Variants in TMEM61 observed in about 807,000 individuals in gnomAD.
TMEM61 encodes the protein transmembrane protein 61.
A neutral mutation model predicts 12.0 loss-of-function variants in TMEM61; 13 were observed. The observed-to-expected ratio is 1.08, with a 90% CI of 0.70 to 1.72. The LOEUF (loss-of-function observed/expected upper bound fraction) is 1.72. Among genes scored for constraint, TMEM61 ranks in the 40% most tolerant of loss-of-function variants. The probability of loss-of-function intolerance (pLI) is 0.00; values close to 1 mark genes in which losing one functional copy is unlikely to be tolerated. For synonymous variants in TMEM61, 109 were observed against 121.4 expected, an observed-to-expected ratio of 0.90 and a Z score of 0.67; for missense variants, 249 against 276.9, an observed-to-expected ratio of 0.90 and a Z score of 0.71.
chr1:54,986,646 G>A (rs1169375573), intron 2 of TMEM61, among the ~76,000 whole-genome samples, 200 bp downstream of exon 2: 6 of 151,866 alleles, frequency 4.0e-5, no homozygotes, highest in African/African-American at 1.5e-4. Flanking sequence ...AGAAGCTGAT[G>A]ATGACAAACC....
At position 54,980,829 on chromosome 1, in the gene TMEM61, G is replaced by A. The variant is rs1644213237; in HGVS notation, c.-237G>A. 1 of 398,712 alleles carries A rather than the reference G, an allele frequency of 2.5e-6. No homozygotes were observed. Among genetic ancestry groups the A allele is most frequent in the Non-Finnish European group, 4.4e-6 (1 of 227,570 alleles). 24.7% of individuals were successfully genotyped at this position (398,712 alleles called of 1,614,324 possible). A position where few individuals can be genotyped will look rare whatever the true frequency, so the allele number is the denominator to read the frequency against. On this transcript the variant is annotated 5_prime_UTR_variant, in exon 1 of 3. Transcript: ENST00000371268. ...TCCCTGCGCACCGGGTGCGGGCGGC[G>A]GAGAGGGCGCGGCTGGTGAGCCCTG...
At chr1:54,983,239 G>A (rs1411558768) in intron 1 of TMEM61, among the ~76,000 whole-genome samples, 3 of 149,368 alleles carry the variant, frequency 2.0e-5, no homozygotes, top group Admixed American at 6.7e-5. Flanking sequence ...TCAGCATCCC[G>A]AGTAGCTGGG....
chr1:54,981,487 G>A (rs1055098696), intron 1 of TMEM61, among the ~76,000 whole-genome samples: 5 of 152,112 alleles, frequency 3.3e-5, no homozygotes, highest in Non-Finnish European at 5.9e-5. Flanking sequence ...GCATGGTGGC[G>A]GGCGCTTGTA....
At chr1:54,986,063 C>T (rs1644255588) in intron 1 of TMEM61, 34 bp from the exon 2 acceptor site, 1 of 1,541,248 alleles carries the variant, frequency 6.5e-7, no homozygotes. Flanking sequence ...TTCATATGGC[C>T]CATTTCCTCT....
At chr1:54,986,036 C>A in intron 1 of TMEM61, 61 bp from the exon 2 acceptor site, 5 of 1,443,662 alleles carry the variant, frequency 3.5e-6, no homozygotes, top group Non-Finnish European at 4.7e-6. Context: ...GGAATTAACA[C>A]CTGGCCTCCA....
Position 54,986,135 on chromosome 1 carries a change from T to C in TMEM61, c.54T>C (p.Tyr18=). ...DGSHLASTLR[Y]CMTVSGTVVL... ...GCCACTTGGCCTCCACCCTCCGCTA[T>C]TGCATGACAGTCAGCGGCACAGTGG... is the stretch of plus-strand genomic sequence containing the variant. The change falls in exon 2 of 3, where the codon TAT becomes TAC. Residue 18 remains tyrosine, a synonymous_variant. Coordinates refer to ENST00000371268, the MANE Select transcript of TMEM61 (RefSeq NM_182532.3). The C allele has an allele frequency of 2.5e-6, 4 of 1,607,016 alleles. No individual in the cohort carries two copies. The highest frequency in any genetic ancestry group is 3.4e-6 in the Non-Finnish European group (4 of 1,174,820).
At position 54,992,193 on chromosome 1, in the gene TMEM61, C is replaced by T; in HGVS notation, c.*90C>T. 2 of 1,467,172 alleles carry T rather than the reference C, an allele frequency of 1.4e-6. No individual in the cohort carries two copies. The highest frequency in any genetic ancestry group is 1.8e-6 in the Non-Finnish European group (2 of 1,091,562). 90.9% of individuals were successfully genotyped at this position (1,467,172 alleles called of 1,614,324 possible). A position where few individuals can be genotyped will look rare whatever the true frequency, so the allele number is the denominator to read the frequency against. Reference sequence around the variant, plus strand: ...TGCCTGGGACACAGTAGGCACTCAGCAAACGTTCGTTGTTGAAGGCTGTTC... The same window carrying T: ...TGCCTGGGACACAGTAGGCACTCAGTAAACGTTCGTTGTTGAAGGCTGTTC... On this transcript the variant is annotated 3_prime_UTR_variant, in exon 3 of 3. Coordinates refer to ENST00000371268, the MANE Select transcript of TMEM61 (RefSeq NM_182532.3).
Position 54,991,839 on chromosome 1 carries a change from C to T in TMEM61, c.369C>T (p.Thr123=). ...AGCCTCTCTTCTGTTCCTGCAGGACCCCCAAAGTGGTTGACATCCCCACTT... is the reference window on the plus strand; with the variant it reads ...AGCCTCTCTTCTGTTCCTGCAGGACTCCCAAAGTGGTTGACATCCCCACTT... The part of the protein sequence containing the change: ...VESSEKESCR[T]PKVVDIPTYE... Residue 123 remains threonine, a synonymous_variant, in exon 3 of 3, where the codon ACC becomes ACT. Transcript: ENST00000371268. The T allele has an allele frequency of 3.1e-6, 5 of 1,613,650 alleles. No individual in the cohort carries two copies. Among genetic ancestry groups the T allele is most frequent in the Non-Finnish European group, 4.2e-6 (5 of 1,179,892 alleles).
At chr1:54,983,108 TG>T (rs1024975688) in intron 1 of TMEM61, among the ~76,000 whole-genome samples, 3 of 85,502 alleles carry the variant, frequency 3.5e-5, no homozygotes, top group Non-Finnish European at 7.9e-5. Context: ...TGTTTTGCTT[TG>T]TTTTTTTTTT....
intron 1 of TMEM61, among the ~76,000 whole-genome samples, chr1:54,985,212 C>CGTGTGTGTGTGTGTGT (rs1249969795): frequency 6.4e-5 from 4 of 62,072 alleles, no homozygotes; most frequent in African/African-American, 1.8e-4. Flanking sequence ...CCACGGTGAA[C>CGTGTGTGTGTGTGTGT]GTGTGTATGT....
intron 2 of TMEM61, among the ~76,000 whole-genome samples, chr1:54,990,141 G>A (rs1291046014): frequency 6.6e-6 from 1 of 152,100 alleles, no homozygotes; most frequent in African/African-American, 2.4e-5. Flanking sequence ...GGAGGGTGAG[G>A]ACAGGCACTA....
intron 1 of TMEM61, among the ~76,000 whole-genome samples, chr1:54,982,092 T>G (rs1245510307): frequency 1.3e-5 from 2 of 152,182 alleles, no homozygotes; most frequent in African/African-American, 4.8e-5. Context: ...TCTTGCCATC[T>G]CATTTTCATT....
chr1:54,992,220 A>G lies in TMEM61; in HGVS notation c.*117A>G. ...AACGTTCGTTGTTGAAGGCTGTTCT[A>G]TTTATCTATTGCTGTATAACAAACC... On this transcript the variant is annotated 3_prime_UTR_variant, in exon 3 of 3. Coordinates refer to ENST00000371268, the MANE Select transcript of TMEM61 (RefSeq NM_182532.3). 1 of 1,251,228 alleles carries G rather than the reference A, an allele frequency of 8.0e-7. No individual in the cohort carries two copies. The highest frequency in any genetic ancestry group is 1.1e-6 in the Non-Finnish European group (1 of 905,524). The allele number at this position is 1,251,228 out of a possible 1,614,324, so 77.5% of individuals were successfully genotyped here.
At chr1:54,988,978 C>T (rs1644278195) in intron 2 of TMEM61, among the ~76,000 whole-genome samples, 1 of 152,180 alleles carries the variant, frequency 6.6e-6, no homozygotes, top group Non-Finnish European at 1.5e-5. Context: ...GGGGTGAAGA[C>T]CTTTTCCCTA....
intron 2 of TMEM61, among the ~76,000 whole-genome samples, chr1:54,988,993 C>A (rs926497807): frequency 6.6e-6 from 1 of 152,200 alleles, no homozygotes; most frequent in Non-Finnish European, 1.5e-5. Flanking sequence ...TCCCTATCAT[C>A]GCTGTCAGGC....
At chr1:54,988,045 T>G (rs1644272446) in intron 2 of TMEM61, among the ~76,000 whole-genome samples, 1 of 152,246 alleles carries the variant, frequency 6.6e-6, no homozygotes, top group Admixed American at 6.5e-5. Flanking sequence ...AGCATTTACA[T>G]GTGTATTTAC....
intron 2 of TMEM61, among the ~76,000 whole-genome samples, chr1:54,989,998 C>T (rs761036338): frequency 4.0e-5 from 6 of 151,720 alleles, no homozygotes; most frequent in Non-Finnish European, 7.4e-5. Flanking sequence ...CCTCATTTTA[C>T]GGATGAGGAG....
At position 54,986,256 on chromosome 1, in the gene TMEM61, C is replaced by T; in HGVS notation, c.175C>T (p.Pro59Ser). ...GGCCCCACCCACGGAGTATCCGGTG[C>T]CTGAGGGCCCCAGCCCCCTGCTCAG... is the stretch of plus-strand genomic sequence containing the variant. ...QLAPPTEYPV[P>S]EGPSPLLRSV... The change falls in exon 2 of 3, where the codon CCT (proline) becomes TCT (serine). Residue 59 changes from proline (P) to serine (S), a missense_variant. Transcript: ENST00000371268. 2 of 1,613,860 alleles carry T rather than the reference C, an allele frequency of 1.2e-6. No individual in the cohort carries two copies. Among genetic ancestry groups the T allele is most frequent in the Non-Finnish European group, 1.7e-6 (2 of 1,179,998 alleles).
intron 2 of TMEM61, among the ~76,000 whole-genome samples, chr1:54,988,833 G>C (rs778850855): frequency 1.7e-4 from 26 of 152,244 alleles, no homozygotes; most frequent in Non-Finnish European, 2.9e-4. Context: ...CTCCTATCTT[G>C]AGTGTAAGTC....
Sources: allele counts gnomAD v4.1 joint callset (sites outside exome capture counted in the v4.1 genomes callset), GRCh38; gene constraint gnomAD v4.1.1; transcripts MANE v1.5; gene names NCBI Gene and HGNC (gene_info 2026-07-23, HGNC 2026-07-21).